The following IL1RAPL2 variants were observed in gnomAD, a reference collection of about 807,000 sequenced individuals.
IL1RAPL2 encodes X-linked interleukin-1 receptor accessory protein-like 2.
Under a neutral mutation model 44.1 loss-of-function variants are expected in IL1RAPL2, and 3 were observed. The ratio of observed to expected loss-of-function variants is 0.07; its 90% CI spans 0.03 to 0.18. IL1RAPL2 has a LOEUF of 0.18. Ranked by LOEUF, IL1RAPL2 falls within the 10% of genes least tolerant of loss-of-function variation. The pLI is 1.00. For missense variants in IL1RAPL2, 391 were observed against 496.4 expected (o/e 0.79, Z 2.02); for synonymous variants, 181 against 178.8 (o/e 1.01, Z -0.10).
intron 2 of IL1RAPL2, among the ~76,000 whole-genome samples, chrX:105,158,466 ACTT>A (rs749113759): frequency 1.8e-5 from 2 of 112,384 alleles, no homozygotes; most frequent in Admixed American, 1.9e-4. Flanking sequence ...ACTCCTTGTC[ACTT>A]CTTTTCTTTC....
In IL1RAPL2 at chrX:104,971,074, A is replaced by C. The variant is rs180734559; in HGVS notation, c.83-224401A>C. ...TATTAAAGGCCCTACGAGGCCGGGC[A>C]TGGTGGGTGACACCTGTAATCCCAG... On this transcript the variant is annotated intron_variant, in intron 2 of 10. Transcript: ENST00000372582. Among the ~76,000 whole-genome samples, 356 of 112,294 alleles carry C rather than the reference A, an allele frequency of 3.2e-3. 1 individual carries two copies. The highest frequency in any genetic ancestry group is 0.011 in the African/African-American group (325 of 30,929).
intron 5 of IL1RAPL2, among the ~76,000 whole-genome samples, chrX:105,305,372 A>G (rs2034727622): frequency 9.0e-6 from 1 of 111,427 alleles, no homozygotes; most frequent in Admixed American, 9.6e-5. Context: ...GCACGGATCT[A>G]TTTTTCAATA....
chrX:104,785,234 T>A (rs975628488), intron 2 of IL1RAPL2, among the ~76,000 whole-genome samples: 18 of 111,297 alleles, frequency 1.6e-4, no homozygotes, highest in Non-Finnish European at 3.4e-4. Flanking sequence ...CAGACTGGTC[T>A]CAAACTCCTG....
intron 7 of IL1RAPL2, among the ~76,000 whole-genome samples, chrX:105,740,019 T>C (rs112243672): frequency 0.13 from 13,327 of 102,015 alleles, 904 homozygotes; most frequent in South Asian, 0.27. Flanking sequence ...TGTTGTTTCC[T>C]GACTTTTTAA....
At chrX:105,262,563 G>GT (rs199824815) in intron 4 of IL1RAPL2, among the ~76,000 whole-genome samples, 6 of 111,106 alleles carry the variant, frequency 5.4e-5, no homozygotes, top group South Asian at 3.8e-4. Context: ...ATCACCACCT[G>GT]TTTTTTTTAA....
At chrX:105,430,127 A>G (rs1243342378) in intron 5 of IL1RAPL2, among the ~76,000 whole-genome samples, 1 of 111,957 alleles carries the variant, frequency 8.9e-6, no homozygotes, top group Non-Finnish European at 1.9e-5. Context: ...TCTCCTGCTC[A>G]TGTTTTCTCT....
intron 2 of IL1RAPL2, among the ~76,000 whole-genome samples, chrX:104,905,067 T>G (rs1243662034): frequency 4.5e-5 from 5 of 111,425 alleles, no homozygotes; most frequent in East Asian, 2.8e-4. Flanking sequence ...TGATGAGCAT[T>G]TTTTCATGTG....
At chrX:104,955,496 T>A (rs1271217284) in intron 2 of IL1RAPL2, among the ~76,000 whole-genome samples, 2 of 104,684 alleles carry the variant, frequency 1.9e-5, no homozygotes, top group Admixed American at 1.0e-4. Flanking sequence ...ATATATATAT[T>A]ATACTCCCAT....
At chrX:104,807,747 A>G (rs1418325958) in intron 2 of IL1RAPL2, among the ~76,000 whole-genome samples, 1 of 111,286 alleles carries the variant, frequency 9.0e-6, no homozygotes, top group African/African-American at 3.3e-5. Flanking sequence ...TCCCTCTCAC[A>G]TAACAATATG....
intron 6 of IL1RAPL2, among the ~76,000 whole-genome samples, chrX:105,501,660 A>T (rs1374491289): frequency 9.0e-6 from 1 of 111,564 alleles, no homozygotes; most frequent in Non-Finnish European, 1.9e-5. Context: ...ACAAACCCAT[A>T]GAGTCTTAAA....
chrX:104,933,031 T>A (rs1222976529), intron 2 of IL1RAPL2, among the ~76,000 whole-genome samples: 1 of 111,878 alleles, frequency 8.9e-6, no homozygotes, highest in Non-Finnish European at 1.9e-5. Context: ...TAATTTGGAT[T>A]GACAGTCAAA....
intron 2 of IL1RAPL2, among the ~76,000 whole-genome samples, chrX:104,680,242 G>A (rs1230502601): frequency 2.7e-5 from 3 of 111,439 alleles, no homozygotes; most frequent in Admixed American, 9.5e-5. Flanking sequence ...CCTATTAATG[G>A]GTCTTAGCTC....
At chrX:105,395,740 T>A (rs1284259696) in intron 5 of IL1RAPL2, among the ~76,000 whole-genome samples, 3 of 112,144 alleles carry the variant, frequency 2.7e-5, no homozygotes, top group African/African-American at 9.7e-5. Context: ...CCCACCCAGT[T>A]TTTTAAGTCA....
At chrX:105,543,031 G>A (rs958958372) in intron 6 of IL1RAPL2, among the ~76,000 whole-genome samples, 2 of 111,424 alleles carry the variant, frequency 1.8e-5, no homozygotes, top group Non-Finnish European at 3.8e-5. Flanking sequence ...AATGAAATAA[G>A]TATATTAGTT....
intron 5 of IL1RAPL2, among the ~76,000 whole-genome samples, chrX:105,350,188 C>A (rs952199054): frequency 5.4e-5 from 6 of 111,748 alleles, no homozygotes; most frequent in African/African-American, 2.0e-4. Context: ...TTGATAGTAT[C>A]ATTTCACTCC....
At chrX:105,192,524 C>A (rs2033641162) in intron 2 of IL1RAPL2, among the ~76,000 whole-genome samples, 1 of 111,105 alleles carries the variant, frequency 9.0e-6, no homozygotes. Flanking sequence ...GAATAGCAAT[C>A]CAATAAAAAT....
chrX:104,686,225 A>G (rs1930985212), intron 2 of IL1RAPL2, among the ~76,000 whole-genome samples: 2 of 111,210 alleles, frequency 1.8e-5, no homozygotes, highest in South Asian at 7.6e-4. Flanking sequence ...TCACTTTTCC[A>G]CTTTTCCATA....
chrX:104,769,299 A>G (rs1932605446), intron 2 of IL1RAPL2, among the ~76,000 whole-genome samples: 1 of 111,566 alleles, frequency 9.0e-6, no homozygotes, highest in East Asian at 2.8e-4. Flanking sequence ...TGAAGATGAC[A>G]CTGGCCATTG....
At chrX:104,625,742 A>G in intron 1 of IL1RAPL2, among the ~76,000 whole-genome samples, 1 of 111,553 alleles carries the variant, frequency 9.0e-6, no homozygotes, top group Non-Finnish European at 1.9e-5. Flanking sequence ...CGTCTGTGCC[A>G]GTTCCTTACC....
Sources: allele counts gnomAD v4.1 joint callset (sites outside exome capture counted in the v4.1 genomes callset), GRCh38; gene constraint gnomAD v4.1.1; transcripts MANE v1.5; gene names NCBI Gene and HGNC (gene_info 2026-07-23, HGNC 2026-07-21).